The following MAN1A1 variants were observed in gnomAD, a reference collection of about 807,000 sequenced individuals.
MAN1A1 encodes the protein mannosidase alpha class 1A member 1, also known as mannosyl-oligosaccharide 1,2-alpha-mannosidase IA.
A neutral mutation model predicts 70.8 loss-of-function variants in MAN1A1; 29 were observed. The observed-to-expected ratio is 0.41, with a 90% confidence interval of 0.31 to 0.56. MAN1A1 has a LOEUF of 0.56. Ranked by LOEUF, MAN1A1 falls within the 20% of genes least tolerant of loss-of-function variation. The pLI, the probability that MAN1A1 is intolerant of heterozygous loss-of-function variation, is 0.29. For missense variants in MAN1A1, 747 were observed against 841.3 expected (o/e 0.89, Z 1.39); for synonymous variants, 349 against 330.1 (o/e 1.06, Z -0.62).
intron 2 of MAN1A1, among the ~76,000 whole-genome samples, chr6:119,328,758 T>A (rs756701071): frequency 6.6e-6 from 1 of 152,198 alleles, no homozygotes; most frequent in South Asian, 2.1e-4. Flanking sequence ...CATCACATAA[T>A]GAAGCAGCAA....
chr6:119,185,846 T>A (rs975784749), intron 11 of MAN1A1, among the ~76,000 whole-genome samples: 2 of 39,470 alleles, frequency 5.1e-5, no homozygotes, highest in South Asian at 2.6e-3. Flanking sequence ...GCCTCCCAGT[T>A]TTTTTTTTTT....
chr6:119,267,419 CAG>C (rs1318880577), intron 5 of MAN1A1, among the ~76,000 whole-genome samples: 2 of 152,142 alleles, frequency 1.3e-5, no homozygotes, highest in African/African-American at 2.4e-5. Context: ...GTATTATTTA[CAG>C]AGAGAGATCC....
chr6:119,245,225 T>C (rs534442238), intron 6 of MAN1A1, among the ~76,000 whole-genome samples: 1 of 152,242 alleles, frequency 6.6e-6, no homozygotes, highest in Non-Finnish European at 1.5e-5. Context: ...CCCTCCTTTT[T>C]TCTTCTCCTG....
intron 9 of MAN1A1, among the ~76,000 whole-genome samples, chr6:119,192,608 T>G (rs1037480467): frequency 1.3e-5 from 2 of 152,186 alleles, no homozygotes; most frequent in Non-Finnish European, 2.9e-5. Flanking sequence ...ATTACAAATT[T>G]CCATTTTTTT....
intron 4 of MAN1A1, among the ~76,000 whole-genome samples, chr6:119,297,477 T>C (rs951262599): frequency 6.6e-6 from 1 of 152,182 alleles, no homozygotes; most frequent in Non-Finnish European, 1.5e-5. Context: ...TCTGACTGCG[T>C]ATATATTTCT....
rs77004909 is a variant in MAN1A1, at chr6:119,316,098, A to C, written c.604-9106T>G. 5.9e-3 allele frequency among the ~76,000 whole-genome samples: 890 copies of C among 151,588 alleles called. 30 individuals are homozygous for C. The East Asian group carries it at 0.09, about 15-fold the overall frequency. ...CTTGGTCCCCAGGCCAAGATCTTACAGGGCTTTCCCAACATGGGAAGCATC... is the reference window on the plus strand; with the variant it reads ...CTTGGTCCCCAGGCCAAGATCTTACCGGGCTTTCCCAACATGGGAAGCATC... On this transcript the variant is annotated intron_variant, in intron 2 of 12. Coordinates refer to ENST00000368468, the MANE Select transcript of MAN1A1 (RefSeq NM_005907.4).
Position 119,231,996 on chromosome 6 carries a change from T to C in MAN1A1, c.992+16264A>G, listed in dbSNP as rs1774690634. Among the ~76,000 whole-genome samples, 2 of 152,200 alleles carry C rather than the reference T, an allele frequency of 1.3e-5. 1 individual carries two copies. Among genetic ancestry groups the C allele is most frequent in the South Asian group, 4.1e-4 (2 of 4,830 alleles). On this transcript the variant is annotated intron_variant, in intron 6 of 12. Transcript: ENST00000368468. ...GAATAAGCTTAATGAAAGGTGGTTG[T>C]ATATATCAAACCCTAGGATTACTGG...
chr6:119,194,702 T>C lies in MAN1A1; in HGVS notation c.1211-810A>G, dbSNP rs139891811. Among the ~76,000 whole-genome samples, 420 of 152,200 alleles carry C rather than the reference T, an allele frequency of 2.8e-3. 4 individuals are homozygous for C. Among genetic ancestry groups the C allele is most frequent in the African/African-American group, 9.3e-3 (387 of 41,544 alleles). On this transcript the variant is annotated intron_variant, in intron 8 of 12. Transcript: ENST00000368468. ...ATGGGACAGGGGCAGTCAGAAAGGA[T>C]ATGGGGCAGAAGAAGAAGTTTTTCC...
At chr6:119,235,816 T>G (rs544340548) in intron 6 of MAN1A1, among the ~76,000 whole-genome samples, 8 of 152,188 alleles carry the variant, frequency 5.3e-5, no homozygotes, top group Non-Finnish European at 1.0e-4. Context: ...GACTTTATGA[T>G]TCCAGAAATC....
intron 6 of MAN1A1, among the ~76,000 whole-genome samples, chr6:119,207,655 T>C (rs1773908972): frequency 6.6e-6 from 1 of 152,218 alleles, no homozygotes; most frequent in South Asian, 2.1e-4. Context: ...ATTTCTAAAG[T>C]CATTTTTGTC....
At chr6:119,187,378 A>G (rs946573078) in intron 11 of MAN1A1, among the ~76,000 whole-genome samples, 2 of 152,226 alleles carry the variant, frequency 1.3e-5, no homozygotes, top group Admixed American at 6.5e-5. Flanking sequence ...AGAGGAAAAA[A>G]ACAGAAATGT....
At chr6:119,265,684 C>T (rs1005594421) in intron 5 of MAN1A1, among the ~76,000 whole-genome samples, 27 of 151,244 alleles carry the variant, frequency 1.8e-4, no homozygotes, top group Admixed American at 4.6e-4. Context: ...AATCATAATA[C>T]GGTGAGAAAT....
At chr6:119,344,065 T>A (rs1773665982) in intron 2 of MAN1A1, among the ~76,000 whole-genome samples, 1 of 152,260 alleles carries the variant, frequency 6.6e-6, no homozygotes, top group South Asian at 2.1e-4. Flanking sequence ...CCAATTCAGA[T>A]CTCATACAAA....
intron 6 of MAN1A1, among the ~76,000 whole-genome samples, chr6:119,205,174 C>A (rs1457164859): frequency 6.6e-6 from 1 of 152,188 alleles, no homozygotes; most frequent in Non-Finnish European, 1.5e-5. Context: ...GATGCATAAC[C>A]ATTCCACATA....
chr6:119,331,775 T>C (rs1295086803), intron 2 of MAN1A1, among the ~76,000 whole-genome samples: 2 of 152,036 alleles, frequency 1.3e-5, no homozygotes, highest in Non-Finnish European at 2.9e-5. Context: ...CTCACCTCAC[T>C]TCCCTTTACT....
intron 6 of MAN1A1, among the ~76,000 whole-genome samples, chr6:119,219,620 A>G (rs544516675): frequency 2.0e-5 from 1 of 49,316 alleles, no homozygotes; most frequent in Admixed American, 3.1e-4. Context: ...AATTTTAGAC[A>G]TCTACTCAAA....
At position 119,348,871 on chromosome 6, in the gene MAN1A1, G is replaced by A. The variant is rs765257663; in HGVS notation, c.195C>T (p.Ser65=). ...CFGAIFFLPD[S]SKLLSGVLFH... is the part of the protein sequence containing the mutation. ...ACAGGACCCCGCTGAGCAGCTTGGA[G>A]GAGTCTGGCAGGAAGAAGATCGCCC... Residue 65 remains serine (S), a synonymous_variant, in exon 2 of 13, where the codon TCC becomes TCT. Coordinates refer to ENST00000368468, the MANE Select transcript of MAN1A1 (RefSeq NM_005907.4). 7.2e-6 allele frequency: 11 copies of A among 1,532,562 alleles called. No individual in the cohort carries two copies. Among genetic ancestry groups the A allele is most frequent in the South Asian group, 1.2e-5 (1 of 81,654 alleles). 94.9% of individuals were successfully genotyped at this position (1,532,562 alleles called of 1,614,324 possible).
In MAN1A1 at chr6:119,298,185, C is replaced by G. The variant is rs182329654; in HGVS notation, c.816+3803G>C. Among the ~76,000 whole-genome samples the G allele has an allele frequency of 2.6e-5, 4 of 152,204 alleles. No individual in the cohort carries two copies. In the East Asian group the frequency reaches 7.7e-4, roughly 29 times the overall value. ...AAATTAGAAAATGCATTCATGGAGT[C>G]AATACTTAGGGTTTTCTGCTAATAT... On this transcript the variant is annotated intron_variant, in intron 4 of 12. Transcript: ENST00000368468.
intron 6 of MAN1A1, among the ~76,000 whole-genome samples, 174 bp from the exon 7 acceptor site, chr6:119,205,056 C>G (rs1773822690): frequency 6.6e-6 from 1 of 152,200 alleles, no homozygotes; most frequent in South Asian, 2.1e-4. Context: ...TAGGGTTTGT[C>G]TCCTATCTCC....
Sources: gnomAD v4.1 joint callset for allele counts (sites outside exome capture counted in the v4.1 genomes callset) on GRCh38, gnomAD v4.1.1 for gene constraint, MANE v1.5 for transcripts, NCBI Gene and HGNC (gene_info 2026-07-23, HGNC 2026-07-21) for gene names.